PHACTR2: variants seen among roughly 807,000 people sequenced by gnomAD.
The protein encoded by PHACTR2 is chromosome 6 open reading frame 56.
A neutral mutation model predicts 76.0 loss-of-function variants in PHACTR2; 30 were observed. That is an observed-to-expected ratio of 0.39 (90% confidence interval 0.30 to 0.54). The LOEUF (loss-of-function observed/expected upper bound fraction) is 0.54. Ranked by LOEUF, PHACTR2 falls within the 20% of genes least tolerant of loss-of-function variation. The pLI, the probability that PHACTR2 is intolerant of heterozygous loss-of-function variation, is 0.61. For synonymous variants in PHACTR2, 292 were observed against 292.5 expected, an observed-to-expected ratio of 1.00 and a Z score of 0.02; for missense variants, 696 against 781.1, an observed-to-expected ratio of 0.89 and a Z score of 1.30.
Position 143,794,282 on chromosome 6 carries a change from C to T in PHACTR2, c.1845+5372C>T, listed in dbSNP as rs1775779194. ...CATGCTAATCACCATTATTAACAAG[C>T]ATTTCTGGTTTTTGTTGCTTTTTAC... On this transcript the variant is annotated intron_variant, in intron 11 of 12. Transcript: ENST00000440869. This position sits in a 1 kb window ranked among gnomAD's most constrained non-coding sequence, Gnocchi z 4.1. Among the ~76,000 whole-genome samples, 1 of 150,966 alleles carries T rather than the reference C, an allele frequency of 6.6e-6. No individual in the cohort carries two copies. The highest frequency in any genetic ancestry group is 1.5e-5 in the Non-Finnish European group (1 of 67,732).
intron 2 of PHACTR2, among the ~76,000 whole-genome samples, chr6:143,744,197 CCCAG>C: frequency 1.3e-5 from 2 of 152,246 alleles, no homozygotes; most frequent in Middle Eastern, 3.4e-3. Context: ...CTAGGACTGG[CCCAG>C]CCAAGAATTA....
chr6:143,792,726 C>A (rs923099029), intron 11 of PHACTR2, among the ~76,000 whole-genome samples: 5 of 152,106 alleles, frequency 3.3e-5, no homozygotes, highest in African/African-American at 4.8e-5. Flanking sequence ...AGACTGGGCT[C>A]AATTCTGGCT....
rs1169175654 is a variant in PHACTR2, at chr6:143,792,754, C to T, written c.1845+3844C>T. Among the ~76,000 whole-genome samples, 4 of 152,132 alleles carry T rather than the reference C, an allele frequency of 2.6e-5. No homozygotes were observed. In the East Asian group the frequency reaches 7.7e-4, roughly 29 times the overall value. ...TTCTGGCTCCTAGTCCGCCAAACTA[C>T]CTATACATGGCCTCTTCAGCATGGT... is the stretch of plus-strand genomic sequence containing the variant. On this transcript the variant is annotated intron_variant, in intron 11 of 12. Coordinates refer to ENST00000440869, the MANE Select transcript of PHACTR2 (RefSeq NM_001100164.2).
intron 1 of PHACTR2, among the ~76,000 whole-genome samples, chr6:143,665,936 A>G (rs545631110): frequency 1.3e-5 from 2 of 152,200 alleles, no homozygotes; most frequent in African/African-American, 2.4e-5. Flanking sequence ...GGTTTGTTAC[A>G]TAGGTATATA....
rs950926682 is a variant in PHACTR2 at position 143,617,940 on chromosome 6, A to G, written c.13+9618A>G. Among the ~76,000 whole-genome samples, 4 of 152,214 alleles carry G rather than the reference A, an allele frequency of 2.6e-5. No individual in the cohort carries two copies. Among genetic ancestry groups the G allele is most frequent in the African/African-American group, 9.6e-5 (4 of 41,452 alleles). On this transcript the variant is annotated intron_variant, in intron 1 of 11. Transcript: ENST00000305766. The surrounding 1 kb of genome is among the most constrained non-coding windows in gnomAD (Gnocchi z 4.8). ...GTTTCTTTTCCAACATCTTAGAAGC[A>G]AATTAAATACTAAAAGTGAAGATTC...
At chr6:143,568,241 A>G (rs1240066530) in intron 1 of PHACTR2, among the ~76,000 whole-genome samples, 1 of 152,214 alleles carries the variant, frequency 6.6e-6, no homozygotes. Flanking sequence ...TTGTCCCCTG[A>G]GTTCCCTGAG....
intron 12 of PHACTR2, among the ~76,000 whole-genome samples, chr6:143,817,058 G>A (rs1291746705): frequency 2.0e-5 from 3 of 151,786 alleles, no homozygotes; most frequent in Non-Finnish European, 4.4e-5. Flanking sequence ...AGAGTGAGAC[G>A]GTGTCCCCCC....
At position 143,791,645 on chromosome 6, in the gene PHACTR2, G is replaced by C. The variant is rs2128480372; in HGVS notation, c.1845+2735G>C. On this transcript the variant is annotated intron_variant, in intron 11 of 12. Transcript: ENST00000440869. The surrounding 1 kb of genome is among the most constrained non-coding windows in gnomAD (Gnocchi z 4.7). ...CCCTTAGTTATTTTTTTGTCAGTTT[G>C]ATCCATCAGGTAACAAACAAGACAT... Among the ~76,000 whole-genome samples, 1 of 151,782 alleles carries C rather than the reference G, an allele frequency of 6.6e-6. No homozygotes were observed. Among genetic ancestry groups the C allele is most frequent in the African/African-American group, 2.4e-5 (1 of 41,426 alleles).
chr6:143,790,085 T>C (rs1775644301), intron 11 of PHACTR2, among the ~76,000 whole-genome samples: 1 of 151,888 alleles, frequency 6.6e-6, no homozygotes, highest in Admixed American at 6.6e-5. Context: ...AGAGGGAGCA[T>C]TTTGGTGGCC....
In PHACTR2 at chr6:143,678,257, C is replaced by T. The variant is rs1777297466; in HGVS notation, c.46+48C>T. The T allele has an allele frequency of 2.9e-6, 4 of 1,402,290 alleles. No homozygotes were observed. The highest frequency in any genetic ancestry group is 3.7e-6 in the Non-Finnish European group (4 of 1,081,856). The allele number at this position is 1,402,290 out of a possible 1,614,324, so 86.9% of individuals were successfully genotyped here. A position where few individuals can be genotyped will look rare whatever the true frequency, so the allele number is the denominator to read the frequency against. On this transcript the variant is annotated intron_variant, in intron 1 of 12. Transcript: ENST00000440869. This position sits in a 1 kb window ranked among gnomAD's most constrained non-coding sequence, Gnocchi z 6.2. The stretch of plus-strand genomic sequence containing the variant: ...GCGCTCCCGCCGCGCGGGCGCAGGG[C>T]TGGCGGCGGGGCCCCGGGGCAGGCA...
chr6:143,583,604 C>T lies in PHACTR2; in HGVS notation c.217+46397C>T, dbSNP rs1034278496. Among the ~76,000 whole-genome samples, 8 of 152,218 alleles carry T rather than the reference C, an allele frequency of 5.3e-5. No homozygotes were observed. The highest frequency in any genetic ancestry group is 9.6e-5 in the African/African-American group (4 of 41,464). Reference sequence around the variant, plus strand: ...AGGCAGTGTGTTAGTATGGAGAGAGCGAGGGCTAAAGTAGAGACTGTAGAT... The same window carrying T: ...AGGCAGTGTGTTAGTATGGAGAGAGTGAGGGCTAAAGTAGAGACTGTAGAT... On this transcript the variant is annotated intron_variant, in intron 1 of 11. Coordinates refer to the PHACTR2 transcript ENST00000367584. This position sits in a 1 kb window ranked among gnomAD's most constrained non-coding sequence, Gnocchi z 4.0.
intron 1 of PHACTR2, among the ~76,000 whole-genome samples, chr6:143,545,321 A>G (rs1774966323): frequency 6.6e-6 from 1 of 152,166 alleles, no homozygotes; most frequent in Non-Finnish European, 1.5e-5. Context: ...TCACTTGGCA[A>G]CACCTATGGA....
At chr6:143,721,388 T>A (rs1180215592) in intron 2 of PHACTR2, among the ~76,000 whole-genome samples, 1 of 152,212 alleles carries the variant, frequency 6.6e-6, no homozygotes, top group South Asian at 2.1e-4. Context: ...AGCCAAACAC[T>A]ATTTATTGTT....
At chr6:143,628,167 A>G (rs1019520441) in intron 1 of PHACTR2, among the ~76,000 whole-genome samples, 14 of 152,318 alleles carry the variant, frequency 9.2e-5, no homozygotes, top group African/African-American at 3.1e-4. Context: ...CTATGGATGT[A>G]CCACGTTTTG....
At chr6:143,778,031 C>T (rs1323709642) in intron 9 of PHACTR2, among the ~76,000 whole-genome samples, 1 of 152,170 alleles carries the variant, frequency 6.6e-6, no homozygotes, top group East Asian at 1.9e-4. Flanking sequence ...AGCTATAAAG[C>T]TAATAGAAAT....
intron 1 of PHACTR2, among the ~76,000 whole-genome samples, chr6:143,551,156 A>AGATG (rs1392028340): frequency 6.6e-6 from 1 of 152,090 alleles, no homozygotes; most frequent in Non-Finnish European, 1.5e-5. Flanking sequence ...CAAGAGTAGA[A>AGATG]GATGGATATA....
At chr6:143,770,469 C>A (rs1484640990) in intron 6 of PHACTR2, among the ~76,000 whole-genome samples, 1 of 152,148 alleles carries the variant, frequency 6.6e-6, no homozygotes, top group African/African-American at 2.4e-5. Flanking sequence ...TGCCAGTGAA[C>A]TGTACACTTA....
chr6:143,734,618 A>T (rs893722028), intron 2 of PHACTR2, among the ~76,000 whole-genome samples: 1 of 152,260 alleles, frequency 6.6e-6, no homozygotes, highest in Non-Finnish European at 1.5e-5. Context: ...CATAGAATGA[A>T]TTGCAGAATT....
chr6:143,615,546 C>T (rs763170687), intron 1 of PHACTR2, among the ~76,000 whole-genome samples: 1 of 152,038 alleles, frequency 6.6e-6, no homozygotes, highest in Non-Finnish European at 1.5e-5. Flanking sequence ...CTTTCATAAA[C>T]ATTCATAAAT....
Sources: gnomAD v4.1 joint callset for allele counts (sites outside exome capture counted in the v4.1 genomes callset) on GRCh38, gnomAD v4.1.1 for gene constraint, Gnocchi (gnomAD v3.1) non-coding constraint, MANE v1.5 for transcripts, NCBI Gene and HGNC (gene_info 2026-07-23, HGNC 2026-07-21) for gene names.